The following PTPRT variants were observed in gnomAD, a reference collection of about 807,000 sequenced individuals.
The protein encoded by PTPRT is protein tyrosine phosphatase receptor type T.
PTPRT carries 56 observed loss-of-function variants against 176.8 expected under a neutral mutation model. The ratio of observed to expected loss-of-function variants is 0.32; its 90% CI spans 0.26 to 0.40. The LOEUF (loss-of-function observed/expected upper bound fraction) is 0.40. Among genes scored for constraint, PTPRT ranks in the 10% least tolerant of loss-of-function variants. The pLI is 1.00. For missense variants in PTPRT, 1,540 were observed against 1,908.2 expected, an observed-to-expected ratio of 0.81 and a Z score of 3.60; for synonymous variants, 783 against 739.0, an observed-to-expected ratio of 1.06 and a Z score of -0.96.
At chr20:42,429,487 T>C (rs2145796134) in intron 9 of PTPRT, among the ~76,000 whole-genome samples, 1 of 152,166 alleles carries the variant, frequency 6.6e-6, no homozygotes, top group Admixed American at 6.5e-5. Flanking sequence ...CACCCTTCCC[T>C]TGGTCTCCTC....
chr20:43,104,501 CT>C (rs1199297201), intron 1 of PTPRT, among the ~76,000 whole-genome samples: 1 of 152,170 alleles, frequency 6.6e-6, no homozygotes, highest in Non-Finnish European at 1.5e-5. Flanking sequence ...TTTAACCCCC[CT>C]GAAAAACAGA....
intron 9 of PTPRT, among the ~76,000 whole-genome samples, chr20:42,436,675 T>C (rs1445796568): frequency 2.0e-5 from 3 of 152,202 alleles, no homozygotes; most frequent in Non-Finnish European, 4.4e-5. Flanking sequence ...AGTTTCTAGA[T>C]AGAAATTCAG....
chr20:42,161,649 G>A, intron 16 of PTPRT, 107 bp from the exon 17 acceptor site: 1 of 1,054,332 alleles, frequency 9.5e-7, no homozygotes, highest in Non-Finnish European at 1.4e-6. Flanking sequence ...AACCAACTTG[G>A]GACTCAACTG....
intron 2 of PTPRT, among the ~76,000 whole-genome samples, chr20:42,846,275 G>A (rs993647372): frequency 3.3e-5 from 5 of 152,164 alleles, no homozygotes; most frequent in Non-Finnish European, 7.3e-5. Context: ...GAGGCATGCC[G>A]GGCTGCAGTT....
At chr20:42,465,085 C>T (rs1026649782) in intron 8 of PTPRT, among the ~76,000 whole-genome samples, 2 of 151,484 alleles carry the variant, frequency 1.3e-5, no homozygotes, top group African/African-American at 4.8e-5. Context: ...TAATTATAAT[C>T]AATTACATTA....
intron 9 of PTPRT, among the ~76,000 whole-genome samples, chr20:42,398,718 A>G (rs2058875765): frequency 6.6e-6 from 1 of 152,184 alleles, no homozygotes; most frequent in African/African-American, 2.4e-5. Context: ...TTTTAAATTT[A>G]TGTATTTTTT....
intron 7 of PTPRT, among the ~76,000 whole-genome samples, chr20:42,672,222 A>G (rs2075425390): frequency 6.6e-6 from 1 of 152,228 alleles, no homozygotes; most frequent in South Asian, 2.1e-4. Context: ...GGGTGAACAC[A>G]ATCTAATCAG....
intron 16 of PTPRT, among the ~76,000 whole-genome samples, chr20:42,167,260 A>C (rs527568227): frequency 6.6e-6 from 1 of 152,120 alleles, no homozygotes; most frequent in Non-Finnish European, 1.5e-5. Flanking sequence ...GGAGTCATTT[A>C]GGGCTTCTTT....
intron 9 of PTPRT, among the ~76,000 whole-genome samples, chr20:42,383,627 G>A (rs1013418646): frequency 6.6e-6 from 1 of 152,130 alleles, no homozygotes; most frequent in Non-Finnish European, 1.5e-5. Flanking sequence ...TACCATTACA[G>A]CTATAATAGG....
At chr20:43,011,118 T>TATTCATTCACTTCTTCACTC in intron 1 of PTPRT, among the ~76,000 whole-genome samples, 1 of 152,222 alleles carries the variant, frequency 6.6e-6, no homozygotes, top group East Asian at 1.9e-4. Flanking sequence ...TGTTGGTTCT[T>TATTCATTCACTTCTTCACTC]ATTCATTCAC....
chr20:42,461,166 A>G (rs2071012354), intron 8 of PTPRT, among the ~76,000 whole-genome samples: 1 of 152,164 alleles, frequency 6.6e-6, no homozygotes, highest in African/African-American at 2.4e-5. Context: ...TGTCCCTACT[A>G]AAAATACAAA....
chr20:42,033,373 CAT>C, the PTPRT span, among the ~76,000 whole-genome samples: 1 of 152,146 alleles, frequency 6.6e-6, no homozygotes, highest in African/African-American at 2.4e-5. Flanking sequence ...TATAATAAAA[CAT>C]GATGCATATA....
At chr20:42,262,994 T>C (rs529591402) in intron 13 of PTPRT, among the ~76,000 whole-genome samples, 2 of 151,880 alleles carry the variant, frequency 1.3e-5, no homozygotes, top group Non-Finnish European at 2.9e-5. Context: ...AGGCAAACCA[T>C]AGAGGGAGAA....
chr20:42,416,303 T>C (rs1026297287), intron 9 of PTPRT, among the ~76,000 whole-genome samples: 3 of 152,106 alleles, frequency 2.0e-5, no homozygotes, highest in African/African-American at 7.2e-5. Context: ...ATGGAACAAA[T>C]TATCCTTCTG....
intron 9 of PTPRT, among the ~76,000 whole-genome samples, chr20:42,380,510 T>C (rs1161679739): frequency 6.6e-6 from 1 of 152,188 alleles, no homozygotes; most frequent in African/African-American, 2.4e-5. Context: ...GTCTGAGAAC[T>C]GGAACAGAGA....
intron 1 of PTPRT, among the ~76,000 whole-genome samples, chr20:42,919,209 G>A (rs189936887): frequency 2.0e-4 from 31 of 152,270 alleles, no homozygotes; most frequent in African/African-American, 2.9e-4. Context: ...TTATTTGGTC[G>A]GGCAGCTGGG....
intron 15 of PTPRT, among the ~76,000 whole-genome samples, chr20:42,226,910 A>G (rs999437342): frequency 3.9e-5 from 6 of 152,154 alleles, no homozygotes; most frequent in African/African-American, 1.4e-4. Flanking sequence ...AATGCCTATG[A>G]ATGAATGATC....
At chr20:42,202,944 C>A (rs1991510444) in intron 15 of PTPRT, among the ~76,000 whole-genome samples, 1 of 152,066 alleles carries the variant, frequency 6.6e-6, no homozygotes, top group African/African-American at 2.4e-5. Flanking sequence ...TAGCTCTGAA[C>A]ACCTGTATTA....
At chr20:42,455,401 T>A (rs2070904310) in intron 8 of PTPRT, among the ~76,000 whole-genome samples, 1 of 152,172 alleles carries the variant, frequency 6.6e-6, no homozygotes, top group Admixed American at 6.5e-5. Context: ...TTTCCCTCTT[T>A]CTTATGAGTG....
Sources: gnomAD v4.1 joint callset for allele counts (sites outside exome capture counted in the v4.1 genomes callset) on GRCh38, gnomAD v4.1.1 for gene constraint, MANE v1.5 for transcripts, NCBI Gene and HGNC (gene_info 2026-07-23, HGNC 2026-07-21) for gene names.